GCKR: variants seen among roughly 807,000 people sequenced by gnomAD.
The protein encoded by GCKR is glucokinase regulator.
A neutral mutation model predicts 82.9 loss-of-function variants in GCKR; 73 were observed. The observed-to-expected ratio is 0.88, with a 90% confidence interval of 0.73 to 1.07. The LOEUF is 1.07. Ranked by LOEUF, GCKR falls within the 50% of genes least tolerant of loss-of-function variation. The probability of loss-of-function intolerance (pLI) is 0.00; values close to 1 mark genes in which losing one functional copy is unlikely to be tolerated. For synonymous variants in GCKR, 294 were observed against 291.8 expected (o/e 1.01, Z -0.08); for missense variants, 784 against 782.1 (o/e 1.00, Z -0.03).
At chr2:27,508,552 A>T (rs1054083932) in intron 16 of GCKR, among the ~76,000 whole-genome samples, 1 of 152,060 alleles carries the variant, frequency 6.6e-6, no homozygotes, top group Admixed American at 6.5e-5. Context: ...ACAGAGTCTC[A>T]CTCTGTCGCC....
At chr2:27,516,283 GTTTTTTTTTTT>G (rs35189790) in intron 16 of GCKR, among the ~76,000 whole-genome samples, 1 of 58,526 alleles carries the variant, frequency 1.7e-5, no homozygotes. Flanking sequence ...CTTCATTCTT[GTTTTTTTTTTT>G]TTTTTTTTTT....
intron 16 of GCKR, among the ~76,000 whole-genome samples, chr2:27,513,387 G>A (rs1296347905): frequency 3.3e-5 from 5 of 151,962 alleles, no homozygotes; most frequent in East Asian, 1.9e-4. Context: ...AAAATTAGCC[G>A]GGTGTGGTGG....
At chr2:27,507,201 A>G (rs879050015) in intron 12 of GCKR, 34 bp from the exon 13 acceptor site, 22 of 1,440,178 alleles carry the variant, frequency 1.5e-5, no homozygotes, top group African/African-American at 8.4e-5. Context: ...TATATAGCCA[A>G]TCACTCCTCT....
intron 13 of GCKR, 105 bp downstream of exon 13, chr2:27,507,416 G>A (rs528223565): frequency 4.2e-5 from 34 of 814,110 alleles, no homozygotes; most frequent in African/African-American, 1.2e-4. Flanking sequence ...TGGAATAGAC[G>A]GTCCAGAGAA....
chr2:27,509,304 C>T (rs1244264904), intron 16 of GCKR, among the ~76,000 whole-genome samples: 3 of 152,132 alleles, frequency 2.0e-5, no homozygotes, highest in Non-Finnish European at 2.9e-5. Context: ...TTTCTCTGCC[C>T]CTGAACAGGG....
chr2:27,523,096 G>C (rs1157742316), intron 18 of GCKR, among the ~76,000 whole-genome samples, 173 bp from the exon 19 acceptor site: 1 of 152,048 alleles, frequency 6.6e-6, no homozygotes, highest in African/African-American at 2.4e-5. Flanking sequence ...ATGGGGTTTC[G>C]CCATATTGGC....
chr2:27,523,315 C>A lies in GCKR; in HGVS notation c.1754C>A (p.Thr585Asn). 3.1e-6 allele frequency: 5 copies of A among 1,613,064 alleles called. No individual in the cohort carries two copies. Among genetic ancestry groups the A allele is most frequent in the Non-Finnish European group, 4.2e-6 (5 of 1,179,880 alleles). The stretch of plus-strand genomic sequence containing the variant: ...AGCCTCCTATTCCGGTGCTCGATCA[C>A]TGAGGCTCAGGCACACCTGGCTGCA... Reference protein sequence around the residue: ...LLSLLFRCSITEAQAHLAAAP... With the variant: ...LLSLLFRCSINEAQAHLAAAP... Residue 585 changes from threonine to asparagine, a missense_variant, in exon 19 of 19, where the codon ACT (threonine) becomes AAT (asparagine). Physicochemically the swap from Thr to Asn is moderately conservative, Grantham distance 65. Transcript: ENST00000264717.
chr2:27,506,393 T>A, intron 10 of GCKR, 88 bp from the exon 11 acceptor site: 1 of 860,098 alleles, frequency 1.2e-6, no homozygotes, highest in Non-Finnish European at 2.0e-6. Context: ...CTAAGGGAGC[T>A]GTGCCTTCAC....
chr2:27,512,111 G>GA (rs1669896957), intron 16 of GCKR, among the ~76,000 whole-genome samples: 1 of 150,938 alleles, frequency 6.6e-6, no homozygotes, highest in African/African-American at 2.4e-5. Context: ...TGGTGGCTTG[G>GA]ACCTGTAATC....
At chr2:27,513,142 G>C (rs1334655815) in intron 16 of GCKR, among the ~76,000 whole-genome samples, 4 of 152,034 alleles carry the variant, frequency 2.6e-5, no homozygotes, top group Non-Finnish European at 5.9e-5. Flanking sequence ...GATGATTCTT[G>C]GTTGAATTAA....
chr2:27,505,420 GA>G (rs1171469943), intron 9 of GCKR, among the ~76,000 whole-genome samples: 3 of 135,638 alleles, frequency 2.2e-5, no homozygotes, highest in Admixed American at 7.3e-5. Flanking sequence ...AAAAAAAAAA[GA>G]AAAAAAAAGA....
At chr2:27,509,235 G>A (rs1669821820) in intron 16 of GCKR, among the ~76,000 whole-genome samples, 1 of 152,156 alleles carries the variant, frequency 6.6e-6, no homozygotes, top group African/African-American at 2.4e-5. Context: ...TTCCTGGCTT[G>A]ACCAGACACA....
chr2:27,497,540 C>T (rs1669445058), intron 2 of GCKR, 22 bp from the exon 3 acceptor site: 1 of 1,599,614 alleles, frequency 6.3e-7, no homozygotes, highest in South Asian at 1.1e-5. Context: ...CTTGGCTTCT[C>T]ATTCCTGCAT....
Position 27,507,331 on chromosome 2 carries a change from TG to T in GCKR, c.1143+24del. The T allele has an allele frequency of 6.9e-7, 1 of 1,459,464 alleles. No individual in the cohort carries two copies. The highest frequency in any genetic ancestry group is 9.6e-7 in the Non-Finnish European group (1 of 1,040,066). 90.4% of individuals were successfully genotyped at this position (1,459,464 alleles called of 1,614,324 possible). A position where few individuals can be genotyped will look rare whatever the true frequency, so the allele number is the denominator to read the frequency against. The stretch of plus-strand genomic sequence containing the variant: ...AACCAGGTCGGAGAAGAACAGGACT[TG>T]GGGAAGCTGGGGAGACCACTAGTGT... On this transcript the variant is annotated intron_variant, in intron 13 of 18. Coordinates refer to ENST00000264717, the MANE Select transcript of GCKR (RefSeq NM_001486.4).
At chr2:27,508,399 G>C in intron 16 of GCKR, 148 bp downstream of exon 16, 1 of 673,798 alleles carries the variant, frequency 1.5e-6, no homozygotes, top group Admixed American at 2.2e-5. Flanking sequence ...TGGGTTACCA[G>C]GTTACTAGTC....
At chr2:27,513,869 G>A (rs1669943033) in intron 16 of GCKR, among the ~76,000 whole-genome samples, 1 of 151,722 alleles carries the variant, frequency 6.6e-6, no homozygotes, top group African/African-American at 2.4e-5. Flanking sequence ...CTGCAGTGCA[G>A]TTTATAGATC....
intron 16 of GCKR, chr2:27,509,775 CA>C (rs11295580): frequency 0.2 from 25,031 of 124,774 alleles, 2,300 homozygotes; most frequent in East Asian, 0.36. Context: ...CTACCATCTT[CA>C]AAAAAAAAAA....
At chr2:27,521,513 TTG>T (rs1404959861) in intron 17 of GCKR, among the ~76,000 whole-genome samples, 254 of 104,736 alleles carry the variant, frequency 2.4e-3, no homozygotes, top group South Asian at 8.8e-3. Context: ...TTTTTTTTTT[TTG>T]TATTTTTAGT....
chr2:27,499,556 A>T, intron 7 of GCKR, 106 bp downstream of exon 7: 1 of 889,034 alleles, frequency 1.1e-6, no homozygotes, highest in East Asian at 2.4e-5. Context: ...GAAGGCAGGA[A>T]GTTTGCTCAA....
Sources: allele counts gnomAD v4.1 joint callset (sites outside exome capture counted in the v4.1 genomes callset), GRCh38; gene constraint gnomAD v4.1.1; transcripts MANE v1.5; gene names NCBI Gene and HGNC (gene_info 2026-07-23, HGNC 2026-07-21).